Variants in SASH1 observed in about 807,000 individuals in gnomAD.
The protein encoded by SASH1 is SAM and SH3 domain containing 1, also known as SAM and SH3 domain-containing protein 1.
Under a neutral mutation model 125.2 loss-of-function variants are expected in SASH1, and 44 were observed. The ratio of observed to expected loss-of-function variants is 0.35; its 90% confidence interval spans 0.28 to 0.45. The LOEUF is 0.45. SASH1 is among the 20% of genes least tolerant of loss of function. SASH1 has a pLI of 1.00. For synonymous variants in SASH1, 639 were observed against 649.1 expected, an observed-to-expected ratio of 0.98 and a Z score of 0.24; for missense variants, 1,426 against 1,614.5, an observed-to-expected ratio of 0.88 and a Z score of 2.00.
Position 148,429,385 on chromosome 6 carries a change from TAAAAAA to T in SASH1, c.286-10777_286-10772del, listed in dbSNP as rs61460366. On this transcript the variant is annotated intron_variant, in intron 2 of 19. Coordinates refer to ENST00000367467, the MANE Select transcript of SASH1 (RefSeq NM_015278.5). ...GGTGACAGAGCAAGACCCTGTCTCTTAAAAAAAAAAAAAAAAAAAAAAAAAAAGAGG... is the reference window on the plus strand; with the variant it reads ...GGTGACAGAGCAAGACCCTGTCTCTTAAAAAAAAAAAAAAAAAAAAAGAGG... Among the ~76,000 whole-genome samples, 459 of 73,930 alleles carry T rather than the reference TAAAAAA, an allele frequency of 6.2e-3. 10 individuals carry two copies. Among genetic ancestry groups the T allele is most frequent in the African/African-American group, 0.022 (413 of 18,834 alleles). 48.5% of individuals were successfully genotyped at this position (73,930 alleles called of 152,430 possible). A position where few individuals can be genotyped will look rare whatever the true frequency, so the allele number is the denominator to read the frequency against.
chr6:148,398,198 A>C (rs1286102576), intron 2 of SASH1, among the ~76,000 whole-genome samples: 2 of 152,232 alleles, frequency 1.3e-5, no homozygotes, highest in African/African-American at 4.8e-5. Flanking sequence ...ATTATTAATG[A>C]TATAAAAGAT....
At chr6:148,501,879 C>T (rs1340479870) in intron 8 of SASH1, among the ~76,000 whole-genome samples, 1 of 152,196 alleles carries the variant, frequency 6.6e-6, no homozygotes, top group Non-Finnish European at 1.5e-5. Flanking sequence ...CCCTTCTCCT[C>T]ATGGGGGCGA....
chr6:148,423,168 A>C (rs899037985), intron 2 of SASH1, among the ~76,000 whole-genome samples: 12 of 152,012 alleles, frequency 7.9e-5, no homozygotes, highest in African/African-American at 2.7e-4. Context: ...CCATCTCTTG[A>C]CCTTGTGATC....
At chr6:148,221,171 G>A in the SASH1 span, among the ~76,000 whole-genome samples, 1 of 152,110 alleles carries the variant, frequency 6.6e-6, no homozygotes. Flanking sequence ...TCAATAAATA[G>A]CAGCAAAAAC....
chr6:148,540,045 C>G (rs749772876), intron 16 of SASH1, among the ~76,000 whole-genome samples: 2 of 152,182 alleles, frequency 1.3e-5, no homozygotes, highest in Non-Finnish European at 2.9e-5. Context: ...ATGACCTAAT[C>G]TCACCTTGTG....
At chr6:148,300,852 G>A (rs149747414) in intron 1 of SASH1, among the ~76,000 whole-genome samples, 7 of 152,224 alleles carry the variant, frequency 4.6e-5, no homozygotes, top group South Asian at 2.1e-4. Flanking sequence ...TCAAAAACCC[G>A]ACAGCACTGT....
intron 8 of SASH1, among the ~76,000 whole-genome samples, chr6:148,503,751 C>G (rs1359019565): frequency 8.3e-6 from 1 of 120,228 alleles, no homozygotes; most frequent in African/African-American, 3.1e-5. Flanking sequence ...CAAAGATAAC[C>G]CTTTCTTGTA....
At chr6:148,356,070 GTT>G (rs200129121) in intron 1 of SASH1, among the ~76,000 whole-genome samples, 29,863 of 139,722 alleles carry the variant, frequency 0.21, 3,230 homozygotes, top group South Asian at 0.36. Flanking sequence ...GTATCATTCT[GTT>G]TTTTTTTTTT....
At chr6:148,291,169 G>A (rs1779623287) in intron 1 of SASH1, among the ~76,000 whole-genome samples, 1 of 152,034 alleles carries the variant, frequency 6.6e-6, no homozygotes, top group Non-Finnish European at 1.5e-5. Context: ...GCAAAATCAG[G>A]CAGTTGATTA....
intron 19 of SASH1, among the ~76,000 whole-genome samples, chr6:148,546,619 G>T (rs992424527): frequency 6.6e-6 from 1 of 152,168 alleles, no homozygotes; most frequent in Non-Finnish European, 1.5e-5. Context: ...CTTGAAAATT[G>T]CTAGGACAGC....
the SASH1 span, among the ~76,000 whole-genome samples, chr6:148,216,002 CG>C: frequency 7.4e-4 from 112 of 152,068 alleles, no homozygotes; most frequent in Non-Finnish European, 1.3e-3. Context: ...GGATTACAGG[CG>C]CCCGCCACCA....
chr6:148,279,794 T>A (rs1483606595), intron 1 of SASH1, among the ~76,000 whole-genome samples: 1 of 151,920 alleles, frequency 6.6e-6, no homozygotes, highest in African/African-American at 2.4e-5. Flanking sequence ...TGAGGCCAGC[T>A]TGGCCAACAT....
chr6:148,345,821 G>A (rs572695466), intron 1 of SASH1, among the ~76,000 whole-genome samples: 25 of 152,230 alleles, frequency 1.6e-4, no homozygotes, highest in African/African-American at 5.8e-4. Context: ...ACTTGTCCCT[G>A]GTCGCTGGCC....
At chr6:148,270,943 C>G (rs1779047963), upstream of SASH1, among the ~76,000 whole-genome samples, 1 of 142,540 alleles carries the variant, frequency 7.0e-6, no homozygotes, top group African/African-American at 2.6e-5. Context: ...GAGTCTCGCT[C>G]TTGTCGCCCA....
intron 1 of SASH1, among the ~76,000 whole-genome samples, chr6:148,322,991 T>TTCTC (rs1185804560): frequency 7.9e-6 from 1 of 126,598 alleles, no homozygotes; most frequent in African/African-American, 2.8e-5. Flanking sequence ...CCCTTTCTCT[T>TTCTC]TCTCTCTCTC....
chr6:148,346,359 A>G (rs566749199), intron 1 of SASH1, among the ~76,000 whole-genome samples: 4 of 152,338 alleles, frequency 2.6e-5, no homozygotes, highest in African/African-American at 4.8e-5. Context: ...AATTGTTAAC[A>G]AAGTGCTCAT....
At chr6:148,426,857 G>C (rs566832398) in intron 2 of SASH1, among the ~76,000 whole-genome samples, 2 of 152,094 alleles carry the variant, frequency 1.3e-5, no homozygotes, top group Non-Finnish European at 2.9e-5. Flanking sequence ...CTTAGTGGTC[G>C]GGCACGGTGG....
the SASH1 span, among the ~76,000 whole-genome samples, chr6:148,204,084 A>T: frequency 6.6e-6 from 1 of 152,088 alleles, no homozygotes; most frequent in East Asian, 1.9e-4. Context: ...CACATTCATT[A>T]TGTGTTTGTG....
the SASH1 span, among the ~76,000 whole-genome samples, chr6:148,205,480 T>C: frequency 6.6e-6 from 1 of 152,220 alleles, no homozygotes; most frequent in Non-Finnish European, 1.5e-5. Flanking sequence ...TTCTCACTTC[T>C]GTGTTTCTTA....
Sources: allele counts gnomAD v4.1 joint callset (sites outside exome capture counted in the v4.1 genomes callset), GRCh38; gene constraint gnomAD v4.1.1; transcripts MANE v1.5; gene names NCBI Gene and HGNC (gene_info 2026-07-23, HGNC 2026-07-21).